USP49: variants seen among roughly 807,000 people sequenced by gnomAD.
The protein encoded by USP49 is ubiquitin specific peptidase 49.
USP49 carries 24 observed loss-of-function variants against 58.6 expected under a neutral mutation model. The ratio of observed to expected loss-of-function variants is 0.41; its 90% CI spans 0.30 to 0.58. The LOEUF is 0.58. Ranked by LOEUF, USP49 falls within the 20% of genes least tolerant of loss-of-function variation. The pLI is 0.30. For synonymous variants in USP49, 408 were observed against 365.1 expected, an observed-to-expected ratio of 1.12 and a Z score of -1.34; for missense variants, 703 against 866.1, an observed-to-expected ratio of 0.81 and a Z score of 2.36.
In USP49 at chr6:41,871,497, C is replaced by A. The variant is rs180982607; in HGVS notation, c.-29+67G>T. On this transcript the variant is annotated intron_variant, in intron 3 of 7. Coordinates refer to ENST00000682992, the MANE Select transcript of USP49 (RefSeq NM_001286554.2). ...ACCCTCATAGTATGCCAACCTCAGCCACACATAATACTATTATTATAAATA... is the reference window on the plus strand; with the variant it reads ...ACCCTCATAGTATGCCAACCTCAGCAACACATAATACTATTATTATAAATA... 6 of 152,252 alleles carry A rather than the reference C, an allele frequency of 3.9e-5. No individual in the cohort carries two copies. In the East Asian group the frequency reaches 1.2e-3, roughly 29 times the overall value. 9.4% of individuals were successfully genotyped at this position (152,252 alleles called of 1,614,324 possible).
chr6:41,872,425 G>A (rs544939899), intron 2 of USP49, among the ~76,000 whole-genome samples: 7 of 152,086 alleles, frequency 4.6e-5, no homozygotes, highest in South Asian at 2.1e-4. Context: ...CCGCCGCCCC[G>A]TCTGGGAAGT....
At chr6:41,813,610 G>A (rs994405076) in intron 3 of USP49, among the ~76,000 whole-genome samples, 5 of 152,086 alleles carry the variant, frequency 3.3e-5, no homozygotes, top group Admixed American at 6.5e-5. Context: ...TGCTGATCAC[G>A]CACATCCTCT....
intron 1 of USP49, among the ~76,000 whole-genome samples, chr6:41,894,656 C>A (rs1231844649): frequency 6.6e-6 from 1 of 150,760 alleles, no homozygotes; most frequent in African/African-American, 2.4e-5. Context: ...CCACTTCCAA[C>A]ACTTACCCCG....
chr6:41,878,010 C>A (rs755616409), intron 2 of USP49, among the ~76,000 whole-genome samples: 5 of 152,172 alleles, frequency 3.3e-5, no homozygotes, highest in Non-Finnish European at 5.9e-5. Context: ...TCAAGCGACC[C>A]TCCCACCTCA....
At chr6:41,819,321 T>C (rs1037897587) in intron 3 of USP49, among the ~76,000 whole-genome samples, 2 of 152,236 alleles carry the variant, frequency 1.3e-5, no homozygotes, top group African/African-American at 2.4e-5. Context: ...TGTTCTCTAC[T>C]GCCACATGGG....
chr6:41,865,188 G>T (rs757836373), intron 3 of USP49, among the ~76,000 whole-genome samples: 3 of 152,024 alleles, frequency 2.0e-5, no homozygotes, highest in Non-Finnish European at 4.4e-5. Flanking sequence ...AGGATTACAG[G>T]CACCCGCCAT....
chr6:41,825,674 C>T (rs1358746678), intron 3 of USP49, among the ~76,000 whole-genome samples: 1 of 152,170 alleles, frequency 6.6e-6, no homozygotes, highest in Non-Finnish European at 1.5e-5. Flanking sequence ...TTATTCTAAA[C>T]TAACCTTTAG....
rs948668378 is a variant in USP49, at chr6:41,790,782, CAGAT to C, written c.*5747_*5750del. The stretch of plus-strand genomic sequence containing the variant: ...AAACAGCACCATTCTTTGTATAAAT[CAGAT>C]AGATCTTATCTGATAGATGAAGCTA... On this transcript the variant is annotated 3_prime_UTR_variant, in exon 8 of 8. Coordinates refer to ENST00000682992, the MANE Select transcript of USP49 (RefSeq NM_001286554.2). 2.0e-4 allele frequency: 30 copies of C among 152,222 alleles called. No individual in the cohort carries two copies. Among genetic ancestry groups the C allele is most frequent in the African/African-American group, 7.2e-4 (30 of 41,540 alleles). The allele number at this position is 152,222 out of a possible 1,614,324, so 9.4% of individuals were successfully genotyped here. A position where few individuals can be genotyped will look rare whatever the true frequency, so the allele number is the denominator to read the frequency against.
At chr6:41,885,569 C>G (rs1774694938) in intron 2 of USP49, among the ~76,000 whole-genome samples, 1 of 152,080 alleles carries the variant, frequency 6.6e-6, no homozygotes, top group Non-Finnish European at 1.5e-5. Context: ...TCCTCCCGCT[C>G]AAGTGGATCA....
At chr6:41,853,012 C>T (rs1774057236) in intron 3 of USP49, among the ~76,000 whole-genome samples, 2 of 152,124 alleles carry the variant, frequency 1.3e-5, no homozygotes, top group African/African-American at 4.8e-5. Context: ...ATGGAGAAAC[C>T]CCATCTCTAC....
intron 3 of USP49, among the ~76,000 whole-genome samples, chr6:41,851,604 T>C (rs190346670): frequency 6.6e-6 from 1 of 152,326 alleles, no homozygotes; most frequent in African/African-American, 2.4e-5. Context: ...TCACTACTTC[T>C]ATTCAACATA....
At chr6:41,817,183 T>A (rs546684777) in intron 3 of USP49, among the ~76,000 whole-genome samples, 4 of 132,046 alleles carry the variant, frequency 3.0e-5, no homozygotes, top group African/African-American at 9.7e-5. Context: ...AGAGTCTTGC[T>A]CTGTCGCCAG....
chr6:41,822,543 T>C (rs1422533289), intron 3 of USP49, among the ~76,000 whole-genome samples: 4 of 152,152 alleles, frequency 2.6e-5, no homozygotes, highest in African/African-American at 9.7e-5. Flanking sequence ...CATCATATTT[T>C]GCATGAATGA....
At chr6:41,844,705 A>G (rs1292331815) in intron 3 of USP49, among the ~76,000 whole-genome samples, 1 of 152,172 alleles carries the variant, frequency 6.6e-6, no homozygotes, top group Non-Finnish European at 1.5e-5. Context: ...ACACACAATT[A>G]CCAACTACAG....
At chr6:41,807,147 A>C in intron 3 of USP49, 136 bp from the exon 4 acceptor site, 1 of 1,006,562 alleles carries the variant, frequency 9.9e-7, no homozygotes, top group Non-Finnish European at 1.3e-6. Context: ...TTTCAACTCC[A>C]AATTGGTTCC....
intron 3 of USP49, among the ~76,000 whole-genome samples, chr6:41,833,805 G>A (rs1355653951): frequency 2.6e-5 from 4 of 152,200 alleles, no homozygotes; most frequent in Non-Finnish European, 5.9e-5. Context: ...TGGGGTGATA[G>A]TACATTTGGA....
intron 2 of USP49, among the ~76,000 whole-genome samples, chr6:41,875,345 T>C (rs1774485380): frequency 6.6e-6 from 1 of 152,206 alleles, no homozygotes; most frequent in South Asian, 2.1e-4. Flanking sequence ...CTCAATAAGG[T>C]GGCACATTCC....
chr6:41,853,671 A>G (rs1425144135), intron 3 of USP49, among the ~76,000 whole-genome samples: 1 of 152,156 alleles, frequency 6.6e-6, no homozygotes, highest in Non-Finnish European at 1.5e-5. Context: ...GGCCATCTCA[A>G]GGTACCAAGG....
intron 3 of USP49, among the ~76,000 whole-genome samples, chr6:41,810,471 A>T (rs905073521): frequency 3.3e-5 from 5 of 151,182 alleles, no homozygotes; most frequent in Non-Finnish European, 5.9e-5. Context: ...CCTGGGGGAC[A>T]AGAGCGAGAC....
Sources: gnomAD v4.1 joint callset for allele counts (sites outside exome capture counted in the v4.1 genomes callset) on GRCh38, gnomAD v4.1.1 for gene constraint, MANE v1.5 for transcripts, NCBI Gene and HGNC (gene_info 2026-07-23, HGNC 2026-07-21) for gene names.